Variants in CAMK4 observed in about 807,000 individuals in gnomAD.
CAMK4 encodes the protein calcium/calmodulin-dependent protein kinase type IV.
Under a neutral mutation model 44.9 loss-of-function variants are expected in CAMK4, and 22 were observed. The observed-to-expected ratio is 0.49, with a 90% CI of 0.35 to 0.70. CAMK4 has a LOEUF of 0.70. Ranked by LOEUF, CAMK4 falls within the 30% of genes least tolerant of loss-of-function variation. The pLI is 0.01. For missense variants in CAMK4, 498 were observed against 586.8 expected, an observed-to-expected ratio of 0.85 and a Z score of 1.56; for synonymous variants, 218 against 215.4, an observed-to-expected ratio of 1.01 and a Z score of -0.11.
rs1755821365 is a variant in CAMK4 at position 111,491,302 on chromosome 5, G to A, written c.*6836G>A. 1 of 152,080 alleles carries A rather than the reference G, an allele frequency of 6.6e-6. No homozygotes were observed. Among genetic ancestry groups the A allele is most frequent in the South Asian group, 2.1e-4 (1 of 4,824 alleles). The allele number at this position is 152,080 out of a possible 1,614,324, so 9.4% of individuals were successfully genotyped here. A position where few individuals can be genotyped will look rare whatever the true frequency, so the allele number is the denominator to read the frequency against. ...GGCAGAGTTGAGTACTTTCAACAGA[G>A]ACCATATGGACTGCAAAGCCTAAAA... On this transcript the variant is annotated 3_prime_UTR_variant, in exon 11 of 11. Coordinates refer to ENST00000282356, the MANE Select transcript of CAMK4 (RefSeq NM_001744.6).
intron 8 of CAMK4, among the ~76,000 whole-genome samples, chr5:111,473,790 A>G (rs1181977737): frequency 2.0e-5 from 3 of 152,230 alleles, no homozygotes; most frequent in African/African-American, 7.2e-5. Flanking sequence ...TTCTTAAGCA[A>G]TTCCAAACTG....
At chr5:111,287,280 G>A (rs1057258107) in intron 1 of CAMK4, among the ~76,000 whole-genome samples, 7 of 152,086 alleles carry the variant, frequency 4.6e-5, no homozygotes, top group African/African-American at 1.7e-4. Context: ...ATAGGGGAGT[G>A]AATCAAGCCA....
rs577590708 is a variant in CAMK4, at chr5:111,267,684, A to G, written c.161+43040A>G. On this transcript the variant is annotated intron_variant, in intron 1 of 10. Transcript: ENST00000282356. ...GTGCCACAGCACTCCCGCCTGGGCGACAGAACGAGACTCCGTCTCAAAAAA... is the reference window on the plus strand; with the variant it reads ...GTGCCACAGCACTCCCGCCTGGGCGGCAGAACGAGACTCCGTCTCAAAAAA... 3.2e-3 allele frequency among the ~76,000 whole-genome samples: 446 copies of G among 138,154 alleles called. 3 individuals are homozygous for G. The highest frequency in any genetic ancestry group is 0.012 in the African/African-American group (436 of 37,280). 90.6% of individuals were successfully genotyped at this position (138,154 alleles called of 152,430 possible). A position where few individuals can be genotyped will look rare whatever the true frequency, so the allele number is the denominator to read the frequency against.
At chr5:111,478,863 G>A (rs984133851) in intron 9 of CAMK4, among the ~76,000 whole-genome samples, 1 of 152,086 alleles carries the variant, frequency 6.6e-6, no homozygotes, top group Admixed American at 6.6e-5. Flanking sequence ...CTAGAATTTA[G>A]ATGTACTTCA....
intron 1 of CAMK4, among the ~76,000 whole-genome samples, chr5:111,309,143 C>G (rs150449650): frequency 1.6e-3 from 240 of 152,298 alleles, no homozygotes; most frequent in African/African-American, 5.3e-3. Context: ...TGCTAGCTGA[C>G]GGTCCAGGGC....
At chr5:111,452,700 T>G (rs960750953) in intron 7 of CAMK4, among the ~76,000 whole-genome samples, 4 of 152,242 alleles carry the variant, frequency 2.6e-5, no homozygotes, top group African/African-American at 7.2e-5. Context: ...TAATGCCATC[T>G]TATAATGGAG....
At chr5:111,363,751 G>A (rs1479354380) in intron 2 of CAMK4, among the ~76,000 whole-genome samples, 2 of 152,082 alleles carry the variant, frequency 1.3e-5, no homozygotes, top group Non-Finnish European at 2.9e-5. Flanking sequence ...CTAGTTGAAT[G>A]GCCTGCATAT....
chr5:111,270,733 G>T (rs2112581152), intron 1 of CAMK4, among the ~76,000 whole-genome samples: 1 of 152,202 alleles, frequency 6.6e-6, no homozygotes, highest in Non-Finnish European at 1.5e-5. Flanking sequence ...CTTCAATTTG[G>T]ATCAGTCTAG....
intron 1 of CAMK4, among the ~76,000 whole-genome samples, chr5:111,332,974 A>G (rs1290515553): frequency 7.2e-6 from 1 of 139,340 alleles, no homozygotes; most frequent in Non-Finnish European, 1.6e-5. Flanking sequence ...GGACTTATTA[A>G]GAACTGTGTT....
intron 4 of CAMK4, among the ~76,000 whole-genome samples, chr5:111,390,388 C>T (rs569338069): frequency 3.9e-5 from 6 of 152,216 alleles, no homozygotes; most frequent in East Asian, 3.9e-4. Flanking sequence ...TTCTCACCCC[C>T]GCCCCATCCC....
chr5:111,443,259 TATATATATATATATATATATACAC>T (rs1200414481), intron 5 of CAMK4, among the ~76,000 whole-genome samples: 3 of 42,432 alleles, frequency 7.1e-5, no homozygotes, highest in African/African-American at 9.0e-5. Flanking sequence ...TATATATATA[TATATATATATATATATATATACAC>T]ACACACACAC....
At chr5:111,283,721 TAATC>T (rs1484944590) in intron 1 of CAMK4, among the ~76,000 whole-genome samples, 4 of 152,236 alleles carry the variant, frequency 2.6e-5, no homozygotes, top group Admixed American at 6.5e-5. Context: ...TTTTCATTCT[TAATC>T]AGTGGCAACA....
chr5:111,271,199 G>A (rs1397238376), intron 1 of CAMK4, among the ~76,000 whole-genome samples: 2 of 152,196 alleles, frequency 1.3e-5, no homozygotes, highest in East Asian at 1.9e-4. Flanking sequence ...ATATCAATGA[G>A]TATGTCAGTG....
chr5:111,434,291 C>CA (rs34360413), intron 5 of CAMK4, among the ~76,000 whole-genome samples: 5,630 of 131,912 alleles, frequency 0.043, 375 homozygotes, highest in African/African-American at 0.15. Context: ...GACTCTGTCT[C>CA]AAAAAAAAAA....
intron 7 of CAMK4, among the ~76,000 whole-genome samples, chr5:111,457,989 G>A (rs941892785): frequency 6.6e-6 from 1 of 152,186 alleles, no homozygotes; most frequent in African/African-American, 2.4e-5. Flanking sequence ...ACCGGCTCGT[G>A]TGCTGCACAC....
intron 1 of CAMK4, among the ~76,000 whole-genome samples, chr5:111,225,826 C>G (rs1473778864): frequency 6.6e-6 from 1 of 152,160 alleles, no homozygotes; most frequent in East Asian, 1.9e-4. Flanking sequence ...AATGAAAATT[C>G]AGTGATTTGT....
At chr5:111,369,897 T>C (rs1750939227) in intron 2 of CAMK4, among the ~76,000 whole-genome samples, 1 of 152,188 alleles carries the variant, frequency 6.6e-6, no homozygotes, top group South Asian at 2.1e-4. Context: ...TTTTTTATTG[T>C]TGTTGGGATT....
Position 111,394,722 on chromosome 5 carries a change from G to C in CAMK4, c.399G>C (p.Lys133Asn). ...GGELFDRIVEKGYYSERDAAD... is the reference protein window; with the variant it reads ...GGELFDRIVENGYYSERDAAD... ...CTTTTTGTTCCAGGATTGTGGAAAA[G>C]GGATATTACAGTGAGCGAGATGCTG... is the stretch of plus-strand genomic sequence containing the variant. Residue 133 changes from lysine (K) to asparagine (N), a missense_variant, in exon 5 of 11, where the codon AAG (lysine) becomes AAC (asparagine). By Grantham distance (94) the Lys-to-Asn change is moderately conservative (BLOSUM62 0). Coordinates refer to ENST00000282356, the MANE Select transcript of CAMK4 (RefSeq NM_001744.6). The C allele has an allele frequency of 6.2e-7, 1 of 1,611,186 alleles. No homozygotes were observed. The highest frequency in any genetic ancestry group is 8.5e-7 in the Non-Finnish European group (1 of 1,178,124).
intron 1 of CAMK4, among the ~76,000 whole-genome samples, chr5:111,277,252 A>C (rs989543370): frequency 2.6e-5 from 4 of 152,226 alleles, no homozygotes; most frequent in African/African-American, 9.6e-5. Context: ...ACAGGCTTTC[A>C]ACCACTTACA....
Sources: gnomAD v4.1 joint callset for allele counts (sites outside exome capture counted in the v4.1 genomes callset) on GRCh38, gnomAD v4.1.1 for gene constraint, MANE v1.5 for transcripts, NCBI Gene and HGNC (gene_info 2026-07-23, HGNC 2026-07-21) for gene names.